ASPHD2: variants seen among roughly 807,000 people sequenced by gnomAD.
The protein encoded by ASPHD2 is aspartate beta-hydroxylase domain-containing protein 2.
Under a neutral mutation model 34.6 loss-of-function variants are expected in ASPHD2, and 12 were observed. The observed-to-expected ratio is 0.35, with a 90% CI of 0.22 to 0.56. ASPHD2 has a LOEUF of 0.56. Ranked by LOEUF, ASPHD2 falls within the 20% of genes least tolerant of loss-of-function variation. The probability of loss-of-function intolerance (pLI) is 0.87; values close to 1 mark genes in which losing one functional copy is unlikely to be tolerated. For synonymous variants in ASPHD2, 224 were observed against 212.2 expected (o/e 1.06, Z -0.48); for missense variants, 375 against 505.0 (o/e 0.74, Z 2.47).
At chr22:26,431,327 A>G (rs924200475) in intron 1 of ASPHD2, among the ~76,000 whole-genome samples, 11 of 151,732 alleles carry the variant, frequency 7.2e-5, no homozygotes, top group South Asian at 2.1e-4. Flanking sequence ...GGAGAGAAAC[A>G]GGGGGCTGAA....
intron 2 of ASPHD2, among the ~76,000 whole-genome samples, chr22:26,441,414 G>C (rs558431558): frequency 6.7e-6 from 1 of 149,872 alleles, no homozygotes; most frequent in African/African-American, 2.5e-5. Flanking sequence ...GGAGGTGAAG[G>C]CTGCAGTGAA....
At position 26,433,613 on chromosome 22, in the gene ASPHD2, T is replaced by G. The variant is rs766670211; in HGVS notation, c.-3T>G. 1 of 1,611,698 alleles carries G rather than the reference T, an allele frequency of 6.2e-7. No homozygotes were observed. Among genetic ancestry groups the G allele is most frequent in the African/African-American group, 1.3e-5 (1 of 74,788 alleles). On this transcript the variant is annotated 5_prime_UTR_variant, in exon 2 of 4. Transcript: ENST00000215906. The surrounding 1 kb of genome is among the most constrained non-coding windows in gnomAD (Gnocchi z 5.1). ...CCGCTCCTTCCCCCCCACGCTAATCTGCATGGTGTGGGCGCCCTTGGGACC... is the reference window on the plus strand; with the variant it reads ...CCGCTCCTTCCCCCCCACGCTAATCGGCATGGTGTGGGCGCCCTTGGGACC...
chr22:26,444,338 G>A lies in ASPHD2; in HGVS notation c.*1132G>A, dbSNP rs576407030. ...GTCATGGCACAAAGGTGTGCACTGC[G>A]TGACAATGACCCAAGCCAGTGTGTG... On this transcript the variant is annotated 3_prime_UTR_variant, in exon 4 of 4. Transcript: ENST00000215906. 5.9e-5 allele frequency: 9 copies of A among 152,228 alleles called. No individual in the cohort carries two copies. Among genetic ancestry groups the A allele is most frequent in the African/African-American group, 1.7e-4 (7 of 41,548 alleles). 9.4% of individuals were successfully genotyped at this position (152,228 alleles called of 1,614,324 possible). A position where few individuals can be genotyped will look rare whatever the true frequency, so the allele number is the denominator to read the frequency against.
At chr22:26,442,123 AAG>A (rs1491534373) in intron 2 of ASPHD2, among the ~76,000 whole-genome samples, 4 of 144,622 alleles carry the variant, frequency 2.8e-5, no homozygotes, top group Non-Finnish European at 6.1e-5. Context: ...AAAAAAAAAA[AAG>A]GGAAAAGAAA....
intron 2 of ASPHD2, among the ~76,000 whole-genome samples, chr22:26,440,340 T>G (rs2084828011): frequency 6.6e-6 from 1 of 152,164 alleles, no homozygotes; most frequent in Non-Finnish European, 1.5e-5. Context: ...TCTCACTCTG[T>G]TGCCCAGGCT....
chr22:26,438,844 G>A (rs147439187), intron 2 of ASPHD2, among the ~76,000 whole-genome samples: 21 of 152,054 alleles, frequency 1.4e-4, no homozygotes, highest in African/African-American at 2.7e-4. Flanking sequence ...AGGAAGCTTC[G>A]AGCACTGGAG....
Position 26,433,829 on chromosome 22 carries a change from G to C in ASPHD2, c.214G>C (p.Val72Leu), listed in dbSNP as rs374177116. The change falls in exon 2 of 4, where the codon GTG (valine) becomes CTG (leucine). Residue 72 changes from valine (V) to leucine (L), a missense_variant. Val to Leu is a conservative substitution (Grantham distance 32, BLOSUM62 1). Transcript: ENST00000215906. The surrounding 1 kb of genome is among the most constrained non-coding windows in gnomAD (Gnocchi z 5.1). ...TGTGGCCTGCCTCCTGGTCCTCTTC[G>C]TGTGGTACTGTTATCACGTGGGCAG... ...ITVACLLVLFVWYCYHVGREQ... is the reference protein window; with the variant it reads ...ITVACLLVLFLWYCYHVGREQ... 3 of 1,613,826 alleles carry C rather than the reference G, an allele frequency of 1.9e-6. No homozygotes were observed. Among genetic ancestry groups the C allele is most frequent in the South Asian group, 1.1e-5 (1 of 91,092 alleles).
intron 2 of ASPHD2, among the ~76,000 whole-genome samples, chr22:26,437,354 A>G (rs1265543077): frequency 6.6e-6 from 1 of 152,200 alleles, no homozygotes. Flanking sequence ...CTGAAGACCC[A>G]GCCACTGCTC....
chr22:26,435,061 GC>G (rs1319261793), intron 2 of ASPHD2, among the ~76,000 whole-genome samples: 3 of 152,212 alleles, frequency 2.0e-5, no homozygotes, highest in African/African-American at 7.2e-5. Flanking sequence ...TTGGTCGTAT[GC>G]GTACTGTGTG....
In ASPHD2 at chr22:26,433,385, A is replaced by C; in HGVS notation, c.-224-7A>C. ...AAATTTATGCTGATTTTTTTTTTCC[A>C]TCCCAGGTTTGGTTTTCCTAAACAA... On this transcript the variant is annotated splice_polypyrimidine_tract_variant and splice_region_variant and intron_variant, in intron 1 of 3. Coordinates refer to ENST00000215906, the MANE Select transcript of ASPHD2 (RefSeq NM_020437.5). This position sits in a 1 kb window ranked among gnomAD's most constrained non-coding sequence, Gnocchi z 5.1. 9.5e-6 allele frequency: 5 copies of C among 527,064 alleles called. No homozygotes were observed. Among genetic ancestry groups the C allele is most frequent in the East Asian group, 6.5e-5 (2 of 30,582 alleles). The allele number at this position is 527,064 out of a possible 1,614,324, so 32.6% of individuals were successfully genotyped here.
At chr22:26,443,067 C>T (rs2084865499) in intron 3 of ASPHD2, 30 bp from the exon 4 acceptor site, 1 of 1,566,634 alleles carries the variant, frequency 6.4e-7, no homozygotes, top group Non-Finnish European at 8.8e-7. Flanking sequence ...GTGGTTTGAA[C>T]CTGTCCTCTC....
intron 2 of ASPHD2, among the ~76,000 whole-genome samples, chr22:26,440,587 C>A (rs1446071332): frequency 5.3e-5 from 8 of 152,068 alleles, no homozygotes; most frequent in Non-Finnish European, 1.2e-4. Context: ...GCCCACCCCT[C>A]AGCCTCCCAA....
At position 26,438,596 on chromosome 22, in the gene ASPHD2, C is replaced by CATATATATACACATACATATATAT. The variant is rs1568984056; in HGVS notation, c.887-3862_887-3861insTATATATACACATACATATATATA. 8.4e-5 allele frequency among the ~76,000 whole-genome samples: 9 copies of CATATATATACACATACATATATAT among 106,688 alleles called. No individual in the cohort carries two copies. The East Asian group carries it at 1.7e-3, about 20-fold the overall frequency. 70.0% of individuals were successfully genotyped at this position (106,688 alleles called of 152,430 possible). A position where few individuals can be genotyped will look rare whatever the true frequency, so the allele number is the denominator to read the frequency against. On this transcript the variant is annotated intron_variant, in intron 2 of 3. Coordinates refer to ENST00000215906, the MANE Select transcript of ASPHD2 (RefSeq NM_020437.5). ...ACATATATATACATACATATATATACACACATATATACATATATATATACA... is the reference window on the plus strand; with the variant it reads ...ACATATATATACATACATATATATACATATATATACACATACATATATATACACATATATACATATATATATACA...
At position 26,438,574 on chromosome 22, in the gene ASPHD2, T is replaced by TATATACAC. The variant is rs1568983997; in HGVS notation, c.887-3880_887-3879insCACATATA. 7.4e-4 allele frequency among the ~76,000 whole-genome samples: 54 copies of TATATACAC among 72,952 alleles called. 1 individual carries two copies. Among genetic ancestry groups the TATATACAC allele is most frequent in the African/African-American group, 2.0e-3 (48 of 24,040 alleles). 47.9% of individuals were successfully genotyped at this position (72,952 alleles called of 152,430 possible). Reference sequence around the variant, plus strand: ...ATACACATACATATATACACATACATATATATACATACATATATATACACA... The same window carrying TATATACAC: ...ATACACATACATATATACACATACATATATACACATATATACATACATATATATACACA... On this transcript the variant is annotated intron_variant, in intron 2 of 3. Transcript: ENST00000215906.
chr22:26,436,840 G>A (rs1380054520), intron 2 of ASPHD2, among the ~76,000 whole-genome samples: 1 of 109,892 alleles, frequency 9.1e-6, no homozygotes, highest in African/African-American at 4.4e-5. Flanking sequence ...TGATATGCAT[G>A]CATGTGTGTG....
intron 2 of ASPHD2, among the ~76,000 whole-genome samples, chr22:26,436,191 C>T (rs1046580031): frequency 2.0e-5 from 3 of 152,198 alleles, no homozygotes; most frequent in Non-Finnish European, 2.9e-5. Context: ...GCTGAGTGAC[C>T]TTGGGCAGGG....
At chr22:26,442,663 A>T (rs1172992861) in intron 3 of ASPHD2, 91 bp downstream of exon 3, 2 of 1,078,094 alleles carry the variant, frequency 1.9e-6, no homozygotes, top group Admixed American at 4.9e-5. Flanking sequence ...AATCAGGCAG[A>T]AAGTACCAAG....
At chr22:26,442,159 A>C (rs1419592059) in intron 2 of ASPHD2, among the ~76,000 whole-genome samples, 1 of 148,550 alleles carries the variant, frequency 6.7e-6, no homozygotes, top group Admixed American at 6.7e-5. Context: ...GGAGGTAAAG[A>C]AGCTCCCTTG....
At chr22:26,438,580 T>C (rs148629138) in intron 2 of ASPHD2, among the ~76,000 whole-genome samples, 16,593 of 56,556 alleles carry the variant, frequency 0.29, 2,844 homozygotes, top group South Asian at 0.48. Flanking sequence ...TACATATATA[T>C]ACATACATAT....
Sources: gnomAD v4.1 joint callset for allele counts (sites outside exome capture counted in the v4.1 genomes callset) on GRCh38, gnomAD v4.1.1 for gene constraint, Gnocchi (gnomAD v3.1) non-coding constraint, MANE v1.5 for transcripts, NCBI Gene and HGNC (gene_info 2026-07-23, HGNC 2026-07-21) for gene names.